The following PLIN2 variants were observed in gnomAD, a reference collection of about 807,000 sequenced individuals.
PLIN2 encodes perilipin 2.
Under a neutral mutation model 30.6 loss-of-function variants are expected in PLIN2, and 33 were observed. That is an observed-to-expected ratio of 1.08 (90% confidence interval 0.82 to 1.44). PLIN2 has a LOEUF of 1.44. Ranked by LOEUF, PLIN2 falls within the 40% of genes most tolerant of loss-of-function variation. PLIN2 has a pLI of 0.00. For missense variants in PLIN2, 610 were observed against 531.8 expected (o/e 1.15, Z -1.45); for synonymous variants, 205 against 201.1 (o/e 1.02, Z -0.16).
intron 4 of PLIN2, chr9:19,123,354 T>C: frequency 6.5e-7 from 1 of 1,550,300 alleles, no homozygotes; most frequent in South Asian, 1.2e-5. Context: ...AGTTTTCTAA[T>C]CCAAAGGAGG....
downstream of PLIN2, among the ~76,000 whole-genome samples, chr9:19,112,401 A>G (rs752874129): frequency 3.9e-5 from 6 of 152,174 alleles, no homozygotes; most frequent in South Asian, 1.0e-3. Context: ...TTATGCAACA[A>G]TGAAGCTGCA....
chr9:19,123,358 A>T lies in PLIN2; in HGVS notation c.309+207T>A, dbSNP rs1818347546. 3 of 1,550,538 alleles carry T rather than the reference A, an allele frequency of 1.9e-6. No homozygotes were observed. The African/African-American group carries it at 4.1e-5, about 21-fold the overall frequency. On this transcript the variant is annotated intron_variant, in intron 4 of 7. Transcript: ENST00000276914. ...AACACACTAAAAGTTTTCTAATCCA[A>T]AGGAGGCTAGTTCTTCTCTGCTTCG...
intron 7 of PLIN2, among the ~76,000 whole-genome samples, chr9:19,118,080 G>T (rs1233176774): frequency 6.6e-6 from 1 of 152,162 alleles, no homozygotes; most frequent in Non-Finnish European, 1.5e-5. Flanking sequence ...TGAGGGCAAG[G>T]CCTGTGTTTC....
intron 1 of PLIN2, among the ~76,000 whole-genome samples, chr9:19,126,797 T>A (rs2131187285): frequency 6.6e-6 from 1 of 152,206 alleles, no homozygotes; most frequent in East Asian, 1.9e-4. Context: ...ATCCCAGCAC[T>A]TTGGGAGGCC....
chr9:19,126,150 T>G lies in PLIN2; in HGVS notation c.190A>C (p.Ser64Arg), dbSNP rs1162329852. 2 of 1,614,034 alleles carry G rather than the reference T, an allele frequency of 1.2e-6. No homozygotes were observed. Among genetic ancestry groups the G allele is most frequent in the African/African-American group, 1.3e-5 (1 of 74,910 alleles). Residue 64 changes from serine (S) to arginine (R), a missense_variant, in exon 3 of 8, where the codon AGT (serine) becomes CGT (arginine). Ser to Arg is a moderately radical substitution (Grantham distance 110, BLOSUM62 -1). Transcript: ENST00000276914. ...VKTITSVAMT[S>R]ALPIIQKLEP... ...AGCTTCTGGATGATGGGCAGAGCAC[T>G]GGTCATGGCCACGGAGGTGATGGTC...
At chr9:19,126,476 A>G (rs1454830665) in intron 1 of PLIN2, 28 bp from the exon 2 acceptor site, 1 of 1,445,930 alleles carries the variant, frequency 6.9e-7, no homozygotes, top group Admixed American at 1.7e-5. Flanking sequence ...ATTTCAGAAC[A>G]CCGGGATAAG....
In PLIN2 at chr9:19,126,141, G is replaced by C. The variant is rs556486821; in HGVS notation, c.199C>G (p.Pro67Ala). The change falls in exon 3 of 8, where the codon CCC (proline) becomes GCC (alanine). Residue 67 changes from proline to alanine, a missense_variant. By Grantham distance (27) the Pro-to-Ala change is conservative. Transcript: ENST00000276914. ...TGCGGCTCTAGCTTCTGGATGATGG[G>C]CAGAGCACTGGTCATGGCCACGGAG... ...ITSVAMTSALPIIQKLEPQIA... is the reference protein window; with the variant it reads ...ITSVAMTSALAIIQKLEPQIA... 3.1e-6 allele frequency: 5 copies of C among 1,614,042 alleles called. No homozygotes were observed. In the South Asian group the frequency reaches 5.5e-5, roughly 18 times the overall value.
Position 19,121,598 on chromosome 9 carries a change from A to G in PLIN2, c.310-433T>C, listed in dbSNP as rs550128584. Reference sequence around the variant, plus strand: ...CACAAATCCAGAGAGGAAACTGAAGATCAAACTATACCTGGCCCTCGGGGT... The same window carrying G: ...CACAAATCCAGAGAGGAAACTGAAGGTCAAACTATACCTGGCCCTCGGGGT... On this transcript the variant is annotated intron_variant, in intron 4 of 7. Coordinates refer to ENST00000276914, the MANE Select transcript of PLIN2 (RefSeq NM_001122.4). Among the ~76,000 whole-genome samples, 6 of 152,212 alleles carry G rather than the reference A, an allele frequency of 3.9e-5. No homozygotes were observed. The East Asian group carries it at 7.7e-4, about 20-fold the overall frequency.
At position 19,116,498 on chromosome 9, in the gene PLIN2, G is replaced by C. The variant is rs926017786; in HGVS notation, c.1064C>G (p.Ser355Ter). ...AAAGGAGGCAGCATTGCGGAACACT[G>C]AGTAGATGTCGCCTGCCATCACCCC... Reference protein sequence around the residue: ...HMGVMAGDIYSVFRNAASFKE... With the variant: ...HMGVMAGDIY The change falls in exon 8 of 8, where the codon TCA (serine) becomes TGA (stop). Residue 355 changes from serine to a stop codon, truncating the protein, a stop_gained. Coordinates refer to ENST00000276914, the MANE Select transcript of PLIN2 (RefSeq NM_001122.4). LOFTEE classifies it low-confidence loss of function (END_TRUNC). The C allele has an allele frequency of 6.2e-7, 1 of 1,614,210 alleles. No homozygotes were observed. The highest frequency in any genetic ancestry group is 8.5e-7 in the Non-Finnish European group (1 of 1,180,044).
chr9:19,120,019 T>A (rs928271431), intron 5 of PLIN2, among the ~76,000 whole-genome samples, 188 bp from the exon 6 acceptor site: 3 of 151,720 alleles, frequency 2.0e-5, no homozygotes, highest in African/African-American at 7.3e-5. Context: ...CTGTATCTGA[T>A]ACACACTGCA....
intron 3 of PLIN2, among the ~76,000 whole-genome samples, chr9:19,124,241 A>C (rs1315748575): frequency 1.3e-5 from 2 of 152,102 alleles, no homozygotes; most frequent in African/African-American, 2.4e-5. Flanking sequence ...TGTTAATGCC[A>C]AGAGTAGCCG....
chr9:19,119,282 T>C (rs1818276519), intron 6 of PLIN2, among the ~76,000 whole-genome samples: 1 of 152,184 alleles, frequency 6.6e-6, no homozygotes, highest in Non-Finnish European at 1.5e-5. Flanking sequence ...AGATAAAAAG[T>C]AAAACAGCTC....
At chr9:19,124,270 A>C (rs756711590) in intron 3 of PLIN2, among the ~76,000 whole-genome samples, 43 of 152,166 alleles carry the variant, frequency 2.8e-4, no homozygotes, top group Non-Finnish European at 4.0e-4. Context: ...CTGAACTGTC[A>C]TTCAGAGAAT....
intron 7 of PLIN2, 25 bp downstream of exon 7, chr9:19,118,295 AC>A (rs1402588086): frequency 1.0e-5 from 16 of 1,576,816 alleles, no homozygotes; most frequent in Admixed American, 9.7e-5. Context: ...TCAGCAACCA[AC>A]AAATGACCGT....
intron 4 of PLIN2, among the ~76,000 whole-genome samples, chr9:19,121,468 T>A (rs544833053): frequency 4.4e-4 from 55 of 124,228 alleles, no homozygotes; most frequent in Non-Finnish European, 7.2e-4. Context: ...TCAGCCTGGG[T>A]GACAGAGCAA....
At position 19,122,916 on chromosome 9, in the gene PLIN2, C is replaced by A. The variant is rs1044611672; in HGVS notation, c.309+649G>T. On this transcript the variant is annotated intron_variant, in intron 4 of 7. Transcript: ENST00000276914. ...AAAGCTTGGGGACCACTGGGCTCTA[C>A]CATCTAGGTTGGTGTGAGTATACTC... Among the ~76,000 whole-genome samples, 98 of 152,288 alleles carry A rather than the reference C, an allele frequency of 6.4e-4. 1 individual carries two copies. The highest frequency in any genetic ancestry group is 5.8e-3 in the Admixed American group (89 of 15,284).
At position 19,126,447 on chromosome 9, in the gene PLIN2, AT is replaced by A. The variant is rs1240144449; in HGVS notation, c.-22del. 2.5e-6 allele frequency: 4 copies of A among 1,596,364 alleles called. No homozygotes were observed. Among genetic ancestry groups the A allele is most frequent in the Non-Finnish European group, 3.4e-6 (4 of 1,164,968 alleles). On this transcript the variant is annotated splice_region_variant and 5_prime_UTR_variant, in exon 2 of 8. Coordinates refer to ENST00000276914, the MANE Select transcript of PLIN2 (RefSeq NM_001122.4). ...GCCATTTTTCTTCCTGGAGAAAGAA[AT>A]CTGCAGAAAAGAGACTTATTTCAGA... is the stretch of plus-strand genomic sequence containing the variant.
Position 19,123,554 on chromosome 9 carries a change from C to G in PLIN2, c.309+11G>C. ...AAGTGTCAAGTCTCAGCACTTTTGT[C>G]CCAAGCTCACCTGAGTTGATGGCTG... On this transcript the variant is annotated intron_variant, in intron 4 of 7. Coordinates refer to ENST00000276914, the MANE Select transcript of PLIN2 (RefSeq NM_001122.4). 6.2e-7 allele frequency: 1 copy of G among 1,614,170 alleles called. No homozygotes were observed. The highest frequency in any genetic ancestry group is 1.1e-5 in the South Asian group (1 of 91,082).
chr9:19,116,914 T>C (rs896117952), intron 7 of PLIN2, among the ~76,000 whole-genome samples: 3 of 152,154 alleles, frequency 2.0e-5, no homozygotes, highest in African/African-American at 7.2e-5. Flanking sequence ...AAGTTCATCA[T>C]CTTAAACTGA....
Sources: allele counts gnomAD v4.1 joint callset (sites outside exome capture counted in the v4.1 genomes callset), GRCh38; gene constraint gnomAD v4.1.1; transcripts MANE v1.5; gene names NCBI Gene and HGNC (gene_info 2026-07-23, HGNC 2026-07-21).